QSER1: variants seen among roughly 807,000 people sequenced by gnomAD.
The protein encoded by QSER1 is glutamine and serine-rich protein 1.
A neutral mutation model predicts 158.5 loss-of-function variants in QSER1; 49 were observed. The observed-to-expected ratio is 0.31, with a 90% CI of 0.25 to 0.39. QSER1 has a LOEUF of 0.39. Among genes scored for constraint, QSER1 ranks in the 10% least tolerant of loss-of-function variants. QSER1 has a pLI of 1.00. For synonymous variants in QSER1, 650 were observed against 715.5 expected (o/e 0.91, Z 1.46); for missense variants, 1,754 against 2,010.3 (o/e 0.87, Z 2.44).
intron 8 of QSER1, among the ~76,000 whole-genome samples, chr11:32,963,472 C>G (rs1852666213): frequency 6.6e-6 from 1 of 152,164 alleles, no homozygotes. Flanking sequence ...CTGCCTCAGC[C>G]TCCCGAGTAG....
rs1324907669 is a variant in QSER1 at position 32,934,918 on chromosome 11, A to G, written c.3660A>G (p.Lys1220=). Residue 1220 remains lysine (K), a synonymous_variant, in exon 4 of 13, where the codon AAA becomes AAG. Transcript: ENST00000650167. ...QVKEEDNSNQ[K]QLKRPAQGKR... is the part of the protein sequence containing the mutation. ...AAGAGGAAGACAACAGTAATCAGAA[A>G]CAGCTGAAAAGACCTGCCCAAGGCA... 6.2e-7 allele frequency: 1 copy of G among 1,613,628 alleles called. No homozygotes were observed. The highest frequency in any genetic ancestry group is 1.3e-5 in the African/African-American group (1 of 74,850).
In QSER1 at chr11:32,980,037, A is replaced by G. The variant is rs1437447341; in HGVS notation, c.*3563A>G. 6.6e-6 allele frequency: 1 copy of G among 152,646 alleles called. No homozygotes were observed. The highest frequency in any genetic ancestry group is 1.9e-4 in the East Asian group (1 of 5,202). 9.5% of individuals were successfully genotyped at this position (152,646 alleles called of 1,614,324 possible). A position where few individuals can be genotyped will look rare whatever the true frequency, so the allele number is the denominator to read the frequency against. On this transcript the variant is annotated 3_prime_UTR_variant, in exon 13 of 13. Transcript: ENST00000650167. ...CAGTGTATACTCTTGGTTGTGCATT[A>G]ACTTACATGTATAATTTTTGGCATC...
chr11:32,932,197 A>G lies in QSER1; in HGVS notation c.939A>G (p.Arg313=). 1 of 1,614,218 alleles carries G rather than the reference A, an allele frequency of 6.2e-7. No individual in the cohort carries two copies. The highest frequency in any genetic ancestry group is 8.5e-7 in the Non-Finnish European group (1 of 1,180,040). ...CTTCCATTGAAAGAGCTCTTCTTCGAGAATGTAGTGTTATTAAACACCATC... is the reference window on the plus strand; with the variant it reads ...CTTCCATTGAAAGAGCTCTTCTTCGGGAATGTAGTGTTATTAAACACCATC... ...STASIERALL[R]ECSVIKHHQR... is the part of the protein sequence containing the mutation. The change falls in exon 4 of 13, where the codon CGA becomes CGG. Residue 313 remains arginine, a synonymous_variant. Transcript: ENST00000650167.
At chr11:32,907,003 A>C (rs572270649) in intron 1 of QSER1, among the ~76,000 whole-genome samples, 1 of 152,320 alleles carries the variant, frequency 6.6e-6, no homozygotes, top group South Asian at 2.1e-4. Context: ...TACATATTTC[A>C]TTGGTTTTAG....
intron 1 of QSER1, among the ~76,000 whole-genome samples, chr11:32,902,425 TG>T (rs1353368526): frequency 1.3e-5 from 2 of 152,222 alleles, no homozygotes; most frequent in Non-Finnish European, 2.9e-5. Context: ...GTGATTCTTA[TG>T]CTGCTTGTCC....
chr11:32,966,330 G>A lies in QSER1; in HGVS notation c.5000G>A (p.Arg1667His), dbSNP rs780469846. Residue 1667 changes from arginine (R) to histidine (H), a missense_variant, in exon 9 of 13, where the codon CGC (arginine) becomes CAC (histidine). Around this residue, in one of 2 missense-constraint regions of QSER1, gnomAD observed 1,707 missense variants for 1,919.6 expected, o/e 0.89. Coordinates refer to ENST00000650167, the MANE Select transcript of QSER1 (RefSeq NM_001076786.3). ...EFEPPAPFVTRFLNTRAMKET... is the reference protein window; with the variant it reads ...EFEPPAPFVTHFLNTRAMKET... The stretch of plus-strand genomic sequence containing the variant: ...GAACCTCCCGCTCCCTTTGTCACTC[G>A]CTTTTTGAACACAAGAGCAATGAAG... The A allele has an allele frequency of 1.3e-5, 21 of 1,613,814 alleles. No individual in the cohort carries two copies. The highest frequency in any genetic ancestry group is 8.9e-5 in the East Asian group (4 of 44,844).
chr11:32,973,399 T>C lies in QSER1; in HGVS notation c.5208T>C (p.Asn1736=). 2 of 1,613,346 alleles carry C rather than the reference T, an allele frequency of 1.2e-6. No homozygotes were observed. The highest frequency in any genetic ancestry group is 1.7e-6 in the Non-Finnish European group (2 of 1,179,760). The part of the protein sequence containing the change: ...LNLHLDQSFK[N]ALESFPELTI... ...TATTTTGCTTCATTGTTTTCCAGAA[T>C]GCTTTGGAAAGTTTTCCTGAACTAA... Residue 1736 remains asparagine (N), a splice_region_variant and synonymous_variant, in exon 11 of 13, where the codon AAT becomes AAC. Coordinates refer to ENST00000650167, the MANE Select transcript of QSER1 (RefSeq NM_001076786.3).
chr11:32,943,737 T>C (rs1852281148), intron 4 of QSER1, among the ~76,000 whole-genome samples: 1 of 152,060 alleles, frequency 6.6e-6, no homozygotes, highest in Admixed American at 6.6e-5. Context: ...ATCAGAATGA[T>C]GCTGGCCTCA....
intron 8 of QSER1, among the ~76,000 whole-genome samples, chr11:32,959,357 A>G (rs1852580922): frequency 6.6e-6 from 1 of 152,246 alleles, no homozygotes; most frequent in South Asian, 2.1e-4. Context: ...AGAATTTAAG[A>G]AAAGAGGAAG....
chr11:32,938,534 T>C (rs1275477835), intron 4 of QSER1, among the ~76,000 whole-genome samples: 2 of 152,326 alleles, frequency 1.3e-5, no homozygotes, highest in East Asian at 1.9e-4. Flanking sequence ...AGTTCCATGG[T>C]AAATAACTTA....
chr11:32,953,744 C>A (rs1852463239), intron 4 of QSER1, 113 bp from the exon 5 acceptor site: 1 of 1,251,960 alleles, frequency 8.0e-7, no homozygotes, highest in Non-Finnish European at 1.1e-6. Flanking sequence ...TTGTTTCAAC[C>A]AGTTTGATTA....
At position 32,977,083 on chromosome 11, in the gene QSER1, T is replaced by G. The variant is rs1852990660; in HGVS notation, c.*609T>G. 6.5e-6 allele frequency: 1 copy of G among 152,684 alleles called. No individual in the cohort carries two copies. The highest frequency in any genetic ancestry group is 2.4e-5 in the African/African-American group (1 of 41,470). 9.5% of individuals were successfully genotyped at this position (152,684 alleles called of 1,614,324 possible). ...ATTGGTGCAATTCTCTGACTGCTTT[T>G]TGTGTCAAATTATATTGTGATAAAA... On this transcript the variant is annotated 3_prime_UTR_variant, in exon 13 of 13. Transcript: ENST00000650167.
In QSER1 at chr11:32,979,206, C is replaced by T. The variant is rs991298951; in HGVS notation, c.*2732C>T. On this transcript the variant is annotated 3_prime_UTR_variant, in exon 13 of 13. Coordinates refer to ENST00000650167, the MANE Select transcript of QSER1 (RefSeq NM_001076786.3). ...TAAATACCTAGCTGGTTAGCATTTA[C>T]ATTCCTTGCCAGGGAGTTTGAAATT... is the stretch of plus-strand genomic sequence containing the variant. The T allele has an allele frequency of 6.6e-6, 1 of 152,640 alleles. No individual in the cohort carries two copies. Among genetic ancestry groups the T allele is most frequent in the African/African-American group, 2.4e-5 (1 of 41,450 alleles). 9.5% of individuals were successfully genotyped at this position (152,640 alleles called of 1,614,324 possible).
chr11:32,918,078 G>A (rs914481449), intron 1 of QSER1, among the ~76,000 whole-genome samples: 1 of 152,120 alleles, frequency 6.6e-6, no homozygotes, highest in Non-Finnish European at 1.5e-5. Context: ...TTAACAGGAT[G>A]CCTGCCCAGT....
chr11:32,975,511 C>G, intron 12 of QSER1, 168 bp downstream of exon 12: 1 of 1,474,968 alleles, frequency 6.8e-7, no homozygotes, highest in South Asian at 1.2e-5. Flanking sequence ...AGTCTCTCTG[C>G]TATGTTTTGT....
chr11:32,960,276 G>GC (rs1415899958), intron 8 of QSER1, among the ~76,000 whole-genome samples: 1 of 152,052 alleles, frequency 6.6e-6, no homozygotes, highest in Non-Finnish European at 1.5e-5. Flanking sequence ...TATACATCAG[G>GC]CTGGGCATGG....
intron 3 of QSER1, among the ~76,000 whole-genome samples, chr11:32,930,187 G>A (rs1451955746): frequency 6.6e-6 from 1 of 152,058 alleles, no homozygotes; most frequent in Non-Finnish European, 1.5e-5. Flanking sequence ...GAGATCTCTG[G>A]TAAAGAGCAG....
chr11:32,957,109 G>GTTTTTCTTT lies in QSER1; in HGVS notation c.4752-745_4752-737dup, dbSNP rs1318095633. ...GGGACTCTAGGACAGATGCATTTGG[G>GTTTTTCTTT]TTTTTCTTTTTTTTCTTTTTTTTTC... On this transcript the variant is annotated intron_variant, in intron 7 of 12. Transcript: ENST00000650167. Among the ~76,000 whole-genome samples, 6 of 144,364 alleles carry GTTTTTCTTT rather than the reference G, an allele frequency of 4.2e-5. No homozygotes were observed. The East Asian group carries it at 1.2e-3, about 29-fold the overall frequency. The allele number at this position is 144,364 out of a possible 152,430, so 94.7% of individuals were successfully genotyped here. A position where few individuals can be genotyped will look rare whatever the true frequency, so the allele number is the denominator to read the frequency against.
In QSER1 at chr11:32,934,172, G is replaced by A. The variant is rs1370535357; in HGVS notation, c.2914G>A (p.Asp972Asn). 3 of 1,613,922 alleles carry A rather than the reference G, an allele frequency of 1.9e-6. No homozygotes were observed. The highest frequency in any genetic ancestry group is 1.1e-5 in the South Asian group (1 of 91,070). The change falls in exon 4 of 13, where the codon GAT (aspartate) becomes AAT (asparagine). Residue 972 changes from aspartate to asparagine, a missense_variant. This residue lies in a region of QSER1 where 1,707 missense variants were observed against 1,919.6 expected (regional missense o/e 0.89). Transcript: ENST00000650167. ...MCFPEAVLLS[D>N]ERNILSNVDD... ...TTTCCCAGAGGCAGTGCTTCTTAGT[G>A]ATGAAAGAAATATTTTATCAAATGT...
Sources: gnomAD v4.1 joint callset for allele counts (sites outside exome capture counted in the v4.1 genomes callset) on GRCh38, gnomAD v4.1.1 for gene constraint, gnomAD v4.1.1 regional missense constraint, MANE v1.5 for transcripts, NCBI Gene and HGNC (gene_info 2026-07-23, HGNC 2026-07-21) for gene names.